The following NUSAP1 variants were observed in gnomAD, a reference collection of about 807,000 sequenced individuals.
NUSAP1 encodes the protein nucleolar and spindle-associated protein 1.
Under a neutral mutation model 52.8 loss-of-function variants are expected in NUSAP1, and 32 were observed. The observed-to-expected ratio is 0.61, with a 90% confidence interval of 0.46 to 0.81. The LOEUF (loss-of-function observed/expected upper bound fraction) is 0.81, where lower values mean the gene tolerates loss of function less well. NUSAP1 is among the 40% of genes least tolerant of loss of function. The pLI, the probability that NUSAP1 is intolerant of heterozygous loss-of-function variation, is 0.00. For synonymous variants in NUSAP1, 195 were observed against 183.1 expected (o/e 1.06, Z -0.52); for missense variants, 499 against 522.3 (o/e 0.96, Z 0.43).
chr15:41,363,265 G>A (rs1197255773), intron 6 of NUSAP1, among the ~76,000 whole-genome samples: 1 of 146,100 alleles, frequency 6.8e-6, no homozygotes, highest in African/African-American at 2.5e-5. Flanking sequence ...CAGACTGGGC[G>A]ACAGAGCAAG....
intron 8 of NUSAP1, among the ~76,000 whole-genome samples, chr15:41,374,847 C>T (rs2049855122): frequency 6.6e-6 from 1 of 151,242 alleles, no homozygotes; most frequent in African/African-American, 2.4e-5. Context: ...TTGTTTGTTT[C>T]TTTTGTTTTT....
At chr15:41,374,518 A>G (rs28463309) in intron 8 of NUSAP1, among the ~76,000 whole-genome samples, 32,769 of 152,082 alleles carry the variant, frequency 0.22, 3,840 homozygotes, top group Non-Finnish European at 0.26. Flanking sequence ...AGGAGATACA[A>G]ACATTCAAGC....
chr15:41,357,251 C>T (rs1160089752), intron 5 of NUSAP1, among the ~76,000 whole-genome samples: 2 of 151,776 alleles, frequency 1.3e-5, no homozygotes, highest in Non-Finnish European at 2.9e-5. Context: ...GCCTTTAACC[C>T]CAGCTACTTG....
intron 10 of NUSAP1, among the ~76,000 whole-genome samples, chr15:41,379,134 A>C: frequency 6.6e-6 from 1 of 151,338 alleles, no homozygotes. Context: ...TTGTATTTTT[A>C]GTAGAGACGG....
intron 7 of NUSAP1, among the ~76,000 whole-genome samples, chr15:41,367,790 T>G (rs759232015): frequency 6.6e-6 from 1 of 152,176 alleles, no homozygotes; most frequent in African/African-American, 2.4e-5. Flanking sequence ...CCCTCCTGAC[T>G]GCGGGCAGAT....
rs980770561 is a variant in NUSAP1 at position 41,365,400 on chromosome 15, A to T, written c.661-2A>T. On this transcript the variant is annotated splice_acceptor_variant, in intron 6 of 10. Coordinates refer to ENST00000559596, the MANE Select transcript of NUSAP1 (RefSeq NM_016359.5). LOFTEE classifies it high-confidence loss of function. ...TTTTAAAATGATGCATTTTCTCTTCAGCAGCAGCCCATCAATAAGGGAGGG... is the reference window on the plus strand; with the variant it reads ...TTTTAAAATGATGCATTTTCTCTTCTGCAGCAGCCCATCAATAAGGGAGGG... The T allele has an allele frequency of 1.9e-6, 3 of 1,599,518 alleles. No homozygotes were observed. The highest frequency in any genetic ancestry group is 2.6e-6 in the Non-Finnish European group (3 of 1,170,940).
chr15:41,370,042 C>T (rs1244561738), intron 7 of NUSAP1, among the ~76,000 whole-genome samples: 1 of 150,716 alleles, frequency 6.6e-6, no homozygotes, highest in Non-Finnish European at 1.5e-5. Flanking sequence ...GCACTGCAGC[C>T]TGGGTAACAG....
chr15:41,371,135 TC>T (rs1163207768), intron 7 of NUSAP1, among the ~76,000 whole-genome samples: 76 of 152,294 alleles, frequency 5.0e-4, no homozygotes, highest in African/African-American at 1.8e-3. Context: ...AGACCTGTTC[TC>T]ACCACTCACC....
chr15:41,376,637 G>A (rs184633652), intron 9 of NUSAP1, among the ~76,000 whole-genome samples: 13 of 151,822 alleles, frequency 8.6e-5, no homozygotes, highest in Admixed American at 8.6e-4. Context: ...CTTGCAGTGA[G>A]CCGAGACCAC....
chr15:41,372,258 C>T (rs1243067587), intron 8 of NUSAP1, among the ~76,000 whole-genome samples: 2 of 151,922 alleles, frequency 1.3e-5, no homozygotes, highest in East Asian at 2.0e-4. Flanking sequence ...TTGTGGGACT[C>T]AGGGATTCGG....
At chr15:41,375,163 A>G (rs987856862) in intron 8 of NUSAP1, among the ~76,000 whole-genome samples, 5 of 137,456 alleles carry the variant, frequency 3.6e-5, no homozygotes, top group Admixed American at 7.6e-5. Context: ...ATGCACCACC[A>G]CGCCCAGCTA....
intron 7 of NUSAP1, among the ~76,000 whole-genome samples, chr15:41,366,490 C>T (rs2140783797): frequency 6.6e-6 from 1 of 151,994 alleles, no homozygotes; most frequent in South Asian, 2.1e-4. Flanking sequence ...CCATGTTGGC[C>T]AGGCTGGTCT....
chr15:41,376,302 G>C (rs1246194921), intron 9 of NUSAP1, among the ~76,000 whole-genome samples: 1 of 151,952 alleles, frequency 6.6e-6, no homozygotes, highest in Admixed American at 6.6e-5. Context: ...GGGAGGCTGA[G>C]GCAGGACAAT....
At chr15:41,345,135 G>A (rs2048515853) in intron 2 of NUSAP1, among the ~76,000 whole-genome samples, 1 of 152,076 alleles carries the variant, frequency 6.6e-6, no homozygotes, top group Non-Finnish European at 1.5e-5. Flanking sequence ...GAGTAGCTGG[G>A]ACTACAGCCT....
chr15:41,358,116 TTTG>T (rs2049035391), intron 5 of NUSAP1, 30 bp from the exon 6 acceptor site: 4 of 976,176 alleles, frequency 4.1e-6, no homozygotes, highest in Non-Finnish European at 6.3e-6. Context: ...TGGATTTTGT[TTTG>T]TTATTAATTT....
Position 41,350,975 on chromosome 15 carries a change from T to C in NUSAP1, c.307-13T>C. 2 of 1,593,308 alleles carry C rather than the reference T, an allele frequency of 1.3e-6. No homozygotes were observed. Among genetic ancestry groups the C allele is most frequent in the South Asian group, 1.1e-5 (1 of 88,272 alleles). ...TATCATCGAAATCTTTTATTTCCTT[T>C]TTAAATTTGTAGCAGAATCATTCAG... On this transcript the variant is annotated splice_polypyrimidine_tract_variant and intron_variant, in intron 3 of 10. Coordinates refer to ENST00000559596, the MANE Select transcript of NUSAP1 (RefSeq NM_016359.5).
intron 7 of NUSAP1, among the ~76,000 whole-genome samples, chr15:41,369,831 G>T (rs1035752576): frequency 3.3e-5 from 5 of 151,994 alleles, no homozygotes; most frequent in Admixed American, 6.6e-5. Flanking sequence ...ACTTTGGGAG[G>T]CCGAGGCGGG....
At chr15:41,347,768 C>T (rs1157447076) in intron 2 of NUSAP1, among the ~76,000 whole-genome samples, 1 of 149,414 alleles carries the variant, frequency 6.7e-6, no homozygotes, top group Non-Finnish European at 1.5e-5. Flanking sequence ...GAGCCAAGAT[C>T]ATGCCACTGC....
chr15:41,373,431 G>T (rs1456095529), intron 8 of NUSAP1, among the ~76,000 whole-genome samples: 3 of 150,226 alleles, frequency 2.0e-5, no homozygotes, highest in Non-Finnish European at 3.0e-5. Context: ...TAACTTCGTG[G>T]TGCAAAAATT....
Sources: allele counts gnomAD v4.1 joint callset (sites outside exome capture counted in the v4.1 genomes callset), GRCh38; gene constraint gnomAD v4.1.1; transcripts MANE v1.5; gene names NCBI Gene and HGNC (gene_info 2026-07-23, HGNC 2026-07-21).